The following DCC variants were observed in gnomAD, a reference collection of about 807,000 sequenced individuals.
The protein encoded by DCC is netrin receptor DCC.
In DCC, 58 loss-of-function variants were observed where a neutral mutation model predicts 172.5. That is an observed-to-expected ratio of 0.34 (90% confidence interval 0.27 to 0.42). The LOEUF is 0.42. DCC is among the 10% of genes least tolerant of loss of function. The pLI is 1.00. For missense variants in DCC, 1,740 were observed against 1,791.0 expected, an observed-to-expected ratio of 0.97 and a Z score of 0.51; for synonymous variants, 709 against 644.5, an observed-to-expected ratio of 1.10 and a Z score of -1.52.
chr18:53,371,809 G>A (rs192567496), intron 15 of DCC, among the ~76,000 whole-genome samples: 2 of 151,782 alleles, frequency 1.3e-5, no homozygotes, highest in African/African-American at 2.4e-5. Context: ...CAAATAATAC[G>A]AACAACGCTT....
intron 2 of DCC, among the ~76,000 whole-genome samples, chr18:52,865,459 G>C (rs914098897): frequency 6.6e-6 from 1 of 152,116 alleles, no homozygotes; most frequent in African/African-American, 2.4e-5. Flanking sequence ...CCCACCAATA[G>C]TGTAAAAGTG....
intron 5 of DCC, among the ~76,000 whole-genome samples, chr18:52,995,270 G>C (rs535256261): frequency 1.3e-5 from 2 of 152,022 alleles, no homozygotes; most frequent in Non-Finnish European, 2.9e-5. Context: ...TTTGTGGCAC[G>C]TGTCAGGCTT....
At chr18:53,374,855 A>G (rs2058093737) in intron 15 of DCC, among the ~76,000 whole-genome samples, 1 of 152,190 alleles carries the variant, frequency 6.6e-6, no homozygotes, top group Admixed American at 6.5e-5. Context: ...TTAAAAATGC[A>G]ATCTGCACTC....
chr18:53,373,720 A>G (rs889683577), intron 15 of DCC, among the ~76,000 whole-genome samples: 1 of 152,202 alleles, frequency 6.6e-6, no homozygotes, highest in African/African-American at 2.4e-5. Context: ...TCAAATGCAC[A>G]ACAAACCCAA....
At chr18:53,265,611 T>C (rs938733341) in intron 12 of DCC, among the ~76,000 whole-genome samples, 1 of 152,212 alleles carries the variant, frequency 6.6e-6, no homozygotes, top group African/African-American at 2.4e-5. Context: ...CTTTCAATAT[T>C]ATTGGGGAAT....
At chr18:53,171,907 G>T (rs544579194) in intron 8 of DCC, among the ~76,000 whole-genome samples, 1 of 151,824 alleles carries the variant, frequency 6.6e-6, no homozygotes, top group South Asian at 2.1e-4. Flanking sequence ...GCAGAGAAAA[G>T]GGAATGCTTA....
intron 1 of DCC, among the ~76,000 whole-genome samples, chr18:52,526,286 G>A (rs931089706): frequency 9.2e-5 from 14 of 152,126 alleles, no homozygotes; most frequent in African/African-American, 2.7e-4. Flanking sequence ...ACTAAGGGGA[G>A]GAGACAGATG....
chr18:53,351,395 TACAGTGTATATATATATATATAC>T (rs2057802822), intron 15 of DCC, among the ~76,000 whole-genome samples: 1 of 29,756 alleles, frequency 3.4e-5, no homozygotes, highest in Non-Finnish European at 6.0e-5. Flanking sequence ...TATATATATA[TACAGTGTATATATATATATATAC>T]ACACTGTGTA....
At chr18:53,119,244 AG>A in intron 7 of DCC, among the ~76,000 whole-genome samples, 1 of 151,850 alleles carries the variant, frequency 6.6e-6, no homozygotes, top group East Asian at 1.9e-4. Flanking sequence ...CTCTGCTATA[AG>A]TCCAGTAAAT....
chr18:52,630,724 A>G (rs2034659215), intron 1 of DCC, among the ~76,000 whole-genome samples: 1 of 152,160 alleles, frequency 6.6e-6, no homozygotes, highest in African/African-American at 2.4e-5. Flanking sequence ...ATCTCTAGAA[A>G]GAAGCAATGA....
chr18:53,243,709 G>A (rs899957618), intron 12 of DCC, among the ~76,000 whole-genome samples: 7 of 152,144 alleles, frequency 4.6e-5, no homozygotes, highest in African/African-American at 1.7e-4. Flanking sequence ...CTACCTCTGA[G>A]ATTATCATGG....
intron 4 of DCC, 85 bp from the exon 5 acceptor site, chr18:52,925,149 T>G: frequency 7.5e-7 from 1 of 1,330,528 alleles, no homozygotes; most frequent in Non-Finnish European, 1.1e-6. Flanking sequence ...AATTTGAGCT[T>G]TGGTGGAGGT....
intron 5 of DCC, among the ~76,000 whole-genome samples, chr18:52,961,120 G>A (rs900979838): frequency 3.9e-5 from 6 of 152,006 alleles, no homozygotes; most frequent in African/African-American, 1.2e-4. Flanking sequence ...CTAAAGAAAG[G>A]CCCGGTGTGG....
intron 1 of DCC, among the ~76,000 whole-genome samples, chr18:52,551,378 G>C (rs1330593103): frequency 1.3e-5 from 2 of 152,132 alleles, no homozygotes; most frequent in Non-Finnish European, 2.9e-5. Flanking sequence ...AAGCATTTAA[G>C]AAGAGGACAC....
rs118179906 is a variant in DCC at position 52,656,890 on chromosome 18, G to A, written c.92-95164G>A. On this transcript the variant is annotated intron_variant, in intron 1 of 28. Transcript: ENST00000442544. ...GCTAGAAAAAAAAGTCAAAACATAT[G>A]TCCCCACCCAGATGGGTCAGAAATG... Among the ~76,000 whole-genome samples the A allele has an allele frequency of 9.4e-3, 1,434 of 152,098 alleles. 23 individuals carry two copies. Among genetic ancestry groups the A allele is most frequent in the South Asian group, 0.037 (176 of 4,806 alleles).
intron 2 of DCC, among the ~76,000 whole-genome samples, chr18:52,849,535 G>C (rs566400485): frequency 1.3e-5 from 2 of 152,274 alleles, no homozygotes; most frequent in East Asian, 3.9e-4. Flanking sequence ...GGCAAGAAGA[G>C]AGTATTGGAA....
At chr18:53,504,415 T>G (rs780998033) in intron 27 of DCC, among the ~76,000 whole-genome samples, 5 of 152,144 alleles carry the variant, frequency 3.3e-5, no homozygotes, top group Non-Finnish European at 7.4e-5. Context: ...ATAGGAGAGA[T>G]GTGTTGATTT....
chr18:53,395,894 C>T lies in DCC; in HGVS notation c.2689-1414C>T, dbSNP rs145522621. Among the ~76,000 whole-genome samples, 1,110 of 152,254 alleles carry T rather than the reference C, an allele frequency of 7.3e-3. 16 individuals are homozygous for T. Among genetic ancestry groups the T allele is most frequent in the Admixed American group, 0.026 (401 of 15,292 alleles). On this transcript the variant is annotated intron_variant, in intron 17 of 28. Transcript: ENST00000442544. Reference sequence around the variant, plus strand: ...CTGACCTCGAGTGATCCATCCGCCTCGGCCTCCCAAAGTGCTGGGATTACA... The same window carrying T: ...CTGACCTCGAGTGATCCATCCGCCTTGGCCTCCCAAAGTGCTGGGATTACA...
At chr18:53,225,417 G>A (rs1005891060) in intron 12 of DCC, among the ~76,000 whole-genome samples, 3 of 152,166 alleles carry the variant, frequency 2.0e-5, no homozygotes, top group Admixed American at 1.3e-4. Context: ...ATGCAGAAGA[G>A]AGAATAGAAA....
Sources: gnomAD v4.1 joint callset for allele counts (sites outside exome capture counted in the v4.1 genomes callset) on GRCh38, gnomAD v4.1.1 for gene constraint, MANE v1.5 for transcripts, NCBI Gene and HGNC (gene_info 2026-07-23, HGNC 2026-07-21) for gene names.